The following AR variants were observed in gnomAD, a reference collection of about 807,000 sequenced individuals.
The protein encoded by AR is androgen receptor, also known as dihydrotestosterone receptor.
In AR, 8 loss-of-function variants were observed where a neutral mutation model predicts 53.9. That is an observed-to-expected ratio of 0.15 (90% CI 0.09 to 0.27). The LOEUF (loss-of-function observed/expected upper bound fraction) is 0.27. Ranked by LOEUF, AR falls within the 10% of genes least tolerant of loss-of-function variation. AR has a pLI of 1.00. For synonymous variants in AR, 359 were observed against 316.4 expected (o/e 1.13, Z -1.43); for missense variants, 639 against 742.5 (o/e 0.86, Z 1.62).
At position 67,720,958 on chromosome X, in the gene AR, G is replaced by C. The variant is rs778311771; in HGVS notation, c.2319-875G>C. Reference sequence around the variant, plus strand: ...GAAGGCCTACTAGCATGAGGATGCTGTGTCTTCTCTTAGAGGTATGCCATG... The same window carrying C: ...GAAGGCCTACTAGCATGAGGATGCTCTGTCTTCTCTTAGAGGTATGCCATG... On this transcript the variant is annotated intron_variant, in intron 5 of 7. Coordinates refer to ENST00000374690, the MANE Select transcript of AR (RefSeq NM_000044.6). Among the ~76,000 whole-genome samples the C allele has an allele frequency of 4.2e-4, 47 of 111,625 alleles. 1 individual carries two copies. The highest frequency in any genetic ancestry group is 1.5e-3 in the African/African-American group (45 of 30,735).
chrX:67,646,098 C>T (rs1261984507), intron 2 of AR, among the ~76,000 whole-genome samples: 1 of 111,741 alleles, frequency 8.9e-6, no homozygotes, highest in East Asian at 2.8e-4. Context: ...TCACTTAATT[C>T]ATAGTTTCAT....
At chrX:67,721,218 C>G (rs1569315603) in intron 5 of AR, among the ~76,000 whole-genome samples, 1 of 112,150 alleles carries the variant, frequency 8.9e-6, no homozygotes, top group Non-Finnish European at 1.9e-5. Flanking sequence ...CACTCCCTGG[C>G]AGATTTAACA....
At chrX:67,558,968 T>G (rs930143045) in intron 1 of AR, among the ~76,000 whole-genome samples, 1 of 112,104 alleles carries the variant, frequency 8.9e-6, no homozygotes, top group African/African-American at 3.2e-5. Flanking sequence ...GTGCCAATAT[T>G]AGAATCTAGG....
At chrX:67,634,733 C>G (rs1037013935) in intron 1 of AR, among the ~76,000 whole-genome samples, 1 of 111,452 alleles carries the variant, frequency 9.0e-6, no homozygotes, top group African/African-American at 3.3e-5. Context: ...ACTTCTCCAC[C>G]AAAATATTCC....
Position 67,728,553 on chromosome X carries a change from G to C in AR, c.*4712G>C. On this transcript the variant is annotated 3_prime_UTR_variant, in exon 8 of 8. Coordinates refer to ENST00000374690, the MANE Select transcript of AR (RefSeq NM_000044.6). ...TGAAATACATTGTAAATGAATATTT[G>C]TATCCATGTTTCAAAATTGAAATAT... 1 of 88,004 alleles carries C rather than the reference G, an allele frequency of 1.1e-5. No homozygotes were observed. The allele number at this position is 88,004 out of a possible 1,213,427, so 7.3% of individuals were successfully genotyped here. A position where few individuals can be genotyped will look rare whatever the true frequency, so the allele number is the denominator to read the frequency against.
At position 67,728,604 on chromosome X, in the gene AR, T is replaced by TATAC. The variant is rs2092881470; in HGVS notation, c.*4766_*4767insCATA. ...ATATATATATATATATATATATATATATATATATATAGTGTGTGTGTGTGT... is the reference window on the plus strand; with the variant it reads ...ATATATATATATATATATATATATATATACATATATATATAGTGTGTGTGTGTGT... On this transcript the variant is annotated 3_prime_UTR_variant, in exon 8 of 8. Transcript: ENST00000374690. 1 of 94,086 alleles carries TATAC rather than the reference T, an allele frequency of 1.1e-5. No individual in the cohort carries two copies. The highest frequency in any genetic ancestry group is 4.0e-5 in the African/African-American group (1 of 25,278). The allele number at this position is 94,086 out of a possible 1,213,427, so 7.8% of individuals were successfully genotyped here. A position where few individuals can be genotyped will look rare whatever the true frequency, so the allele number is the denominator to read the frequency against.
In AR at chrX:67,582,778, A is replaced by G. The variant is rs1473284360; in HGVS notation, c.1616+36016A>G. Among the ~76,000 whole-genome samples, 3 of 111,789 alleles carry G rather than the reference A, an allele frequency of 2.7e-5. No individual in the cohort carries two copies. The East Asian group carries it at 8.4e-4, about 31-fold the overall frequency. On this transcript the variant is annotated intron_variant, in intron 1 of 7. Coordinates refer to ENST00000374690, the MANE Select transcript of AR (RefSeq NM_000044.6). Reference sequence around the variant, plus strand: ...ACTCAAGCAATTTTCATATATAGCTATAATTGAAAATCTGTGGCTGAACTT... The same window carrying G: ...ACTCAAGCAATTTTCATATATAGCTGTAATTGAAAATCTGTGGCTGAACTT...
Position 67,717,495 on chromosome X carries a change from G to T in AR, c.2191G>T (p.Val731Leu). 1 of 1,211,824 alleles carries T rather than the reference G, an allele frequency of 8.3e-7. No individual in the cohort carries two copies. Reference protein sequence around the residue: ...KALPGFRNLHVDDQMAVIQYS... With the variant: ...KALPGFRNLHLDDQMAVIQYS... Reference sequence around the variant, plus strand: ...TTCTCCAGGCTTCCGCAACTTACACGTGGACGACCAGATGGCTGTCATTCA... The same window carrying T: ...TTCTCCAGGCTTCCGCAACTTACACTTGGACGACCAGATGGCTGTCATTCA... The change falls in exon 5 of 8, where the codon GTG becomes TTG. Residue 731 changes from valine (V) to leucine (L), a missense_variant. Val to Leu is a conservative substitution (Grantham distance 32). Around this residue, in one of 5 missense-constraint regions of AR, gnomAD observed 95 missense variants for 196.4 expected, o/e 0.48. Transcript: ENST00000374690.
chrX:67,720,600 C>G (rs1445891323), intron 5 of AR, among the ~76,000 whole-genome samples: 1 of 111,431 alleles, frequency 9.0e-6, no homozygotes, highest in Non-Finnish European at 1.9e-5. Flanking sequence ...TAAACACTTC[C>G]TCTTTCTAGT....
chrX:67,708,932 G>A (rs181131544), intron 3 of AR, among the ~76,000 whole-genome samples: 8 of 111,985 alleles, frequency 7.1e-5, no homozygotes, highest in Admixed American at 1.9e-4. Context: ...CCTGGGTGTC[G>A]GCAGCAGAGG....
intron 1 of AR, among the ~76,000 whole-genome samples, chrX:67,634,176 T>A (rs1028862621): frequency 1.8e-5 from 2 of 111,452 alleles, no homozygotes; most frequent in Non-Finnish European, 3.8e-5. Flanking sequence ...TAATTCTGGT[T>A]TTGTCACTAC....
intron 1 of AR, among the ~76,000 whole-genome samples, chrX:67,614,131 G>A (rs1924000459): frequency 8.9e-6 from 1 of 112,221 alleles, no homozygotes; most frequent in South Asian, 3.7e-4. Context: ...TGAGGTTACT[G>A]TGCAGAGGCA....
chrX:67,622,633 T>G (rs1602199258), intron 1 of AR, among the ~76,000 whole-genome samples: 2 of 111,736 alleles, frequency 1.8e-5, no homozygotes, highest in Middle Eastern at 9.2e-3. Context: ...TTGCTGCATG[T>G]CAGGTTTGAG....
intron 1 of AR, among the ~76,000 whole-genome samples, chrX:67,599,485 A>G (rs780597111): frequency 8.9e-6 from 1 of 111,763 alleles, no homozygotes; most frequent in Non-Finnish European, 1.9e-5. Context: ...GTTAAAGCTT[A>G]TATTTGTCTT....
At chrX:67,720,879 TACACACAC>T (rs113739371) in intron 5 of AR, among the ~76,000 whole-genome samples, 3 of 100,775 alleles carry the variant, frequency 3.0e-5, no homozygotes, top group African/African-American at 1.1e-4. Context: ...ATTTCTGTCT[TACACACAC>T]ACACACACAC....
intron 1 of AR, among the ~76,000 whole-genome samples, chrX:67,624,872 T>C (rs1289960089): frequency 1.2e-5 from 1 of 86,539 alleles, no homozygotes; most frequent in Admixed American, 1.7e-4. Flanking sequence ...CAATTTACCA[T>C]TGTATTGTAG....
At chrX:67,716,862 T>G (rs2076115516) in intron 4 of AR, among the ~76,000 whole-genome samples, 1 of 111,956 alleles carries the variant, frequency 8.9e-6, no homozygotes, top group African/African-American at 3.3e-5. Context: ...ACTGCATCTT[T>G]GGAAAGGTGA....
intron 2 of AR, 191 bp from the exon 3 acceptor site, chrX:67,685,818 AC>A (rs1439212605): frequency 3.4e-6 from 2 of 596,738 alleles, no homozygotes; most frequent in African/African-American, 4.6e-5. Context: ...TGGAAATCAA[AC>A]AATATAGTGC....
intron 3 of AR, among the ~76,000 whole-genome samples, chrX:67,704,674 G>T (rs749863706): frequency 5.4e-5 from 6 of 111,504 alleles, no homozygotes; most frequent in Non-Finnish European, 7.5e-5. Flanking sequence ...GTCAATTTTG[G>T]CTTTTGTTGC....
Sources: allele counts gnomAD v4.1 joint callset (sites outside exome capture counted in the v4.1 genomes callset), GRCh38; gene constraint gnomAD v4.1.1; regional missense constraint gnomAD v4.1.1; transcripts MANE v1.5; gene names NCBI Gene and HGNC (gene_info 2026-07-23, HGNC 2026-07-21).